SHC3: variants seen among roughly 807,000 people sequenced by gnomAD.
SHC3 encodes SHC adaptor protein 3.
In SHC3, 15 loss-of-function variants were observed where a neutral mutation model predicts 60.4. The observed-to-expected ratio is 0.25, with a 90% confidence interval of 0.17 to 0.38. The LOEUF (loss-of-function observed/expected upper bound fraction) is 0.38. Ranked by LOEUF, SHC3 falls within the 10% of genes least tolerant of loss-of-function variation. The pLI is 1.00. For synonymous variants in SHC3, 294 were observed against 325.9 expected, an observed-to-expected ratio of 0.90 and a Z score of 1.05; for missense variants, 677 against 786.1, an observed-to-expected ratio of 0.86 and a Z score of 1.66.
intron 2 of SHC3, among the ~76,000 whole-genome samples, chr9:89,102,512 C>T (rs956175143): frequency 2.0e-5 from 3 of 152,146 alleles, no homozygotes; most frequent in Non-Finnish European, 2.9e-5. Context: ...ATGTCTGTGT[C>T]TGTAATAACC....
chr9:89,033,289 A>C (rs1395164721), intron 11 of SHC3, among the ~76,000 whole-genome samples: 1 of 152,194 alleles, frequency 6.6e-6, no homozygotes. Flanking sequence ...TAAGTGAACA[A>C]ATTCAATAAT....
intron 7 of SHC3, among the ~76,000 whole-genome samples, chr9:89,051,797 G>A (rs1293022926): frequency 6.6e-6 from 1 of 152,200 alleles, no homozygotes; most frequent in Non-Finnish European, 1.5e-5. Flanking sequence ...CTGTAACCTT[G>A]GCGACCGTCA....
intron 1 of SHC3, among the ~76,000 whole-genome samples, chr9:89,117,244 T>C (rs1182192490): frequency 2.0e-5 from 3 of 152,198 alleles, no homozygotes; most frequent in Non-Finnish European, 4.4e-5. Flanking sequence ...CTCTCAAAGA[T>C]GTGCAGCAAT....
At chr9:89,018,548 A>C (rs529967018) in intron 11 of SHC3, among the ~76,000 whole-genome samples, 140 of 152,298 alleles carry the variant, frequency 9.2e-4, no homozygotes, top group African/African-American at 3.2e-3. Flanking sequence ...TGATGGGTTG[A>C]TGAGCACAGC....
At chr9:89,039,368 T>C (rs1011770208) in intron 10 of SHC3, among the ~76,000 whole-genome samples, 2 of 152,246 alleles carry the variant, frequency 1.3e-5, no homozygotes, top group Non-Finnish European at 2.9e-5. Flanking sequence ...TTAGCTCTTT[T>C]TGATGCTTAT....
Position 89,166,970 on chromosome 9 carries a change from A to G in SHC3, c.474+11017T>C, listed in dbSNP as rs1000066862. On this transcript the variant is annotated intron_variant, in intron 1 of 11. Coordinates refer to ENST00000375835, the MANE Select transcript of SHC3 (RefSeq NM_016848.6). The stretch of plus-strand genomic sequence containing the variant: ...TGGTGTAGACTCTACCAGCTGAGCT[A>G]CTGCACTCCTCTTCCCGTCTCCCAG... 2.0e-5 allele frequency among the ~76,000 whole-genome samples: 3 copies of G among 152,288 alleles called. No individual in the cohort carries two copies. The East Asian group carries it at 5.8e-4, about 29-fold the overall frequency.
intron 1 of SHC3, among the ~76,000 whole-genome samples, chr9:89,131,391 C>T (rs1239093807): frequency 6.6e-6 from 1 of 152,120 alleles, no homozygotes. Flanking sequence ...AGAGAGAATC[C>T]TCCCTAACTC....
intron 7 of SHC3, among the ~76,000 whole-genome samples, chr9:89,048,572 G>A (rs561804243): frequency 2.0e-5 from 3 of 152,090 alleles, no homozygotes; most frequent in African/African-American, 2.4e-5. Flanking sequence ...TAATGAAAAC[G>A]TTCTGGAATT....
intron 11 of SHC3, among the ~76,000 whole-genome samples, chr9:89,020,258 C>A (rs1826176457): frequency 7.2e-6 from 1 of 138,638 alleles, no homozygotes; most frequent in South Asian, 2.3e-4. Context: ...GGAGAGGTGA[C>A]AGGGGGTTGG....
chr9:89,161,386 A>C (rs1432612010), intron 1 of SHC3, among the ~76,000 whole-genome samples: 10 of 152,188 alleles, frequency 6.6e-5, no homozygotes, highest in Admixed American at 6.5e-4. Context: ...AAGTCTCCCC[A>C]GAAGCTTAGC....
At chr9:89,129,014 G>C (rs534963587) in intron 1 of SHC3, among the ~76,000 whole-genome samples, 15 of 152,266 alleles carry the variant, frequency 9.9e-5, no homozygotes, top group Admixed American at 9.8e-4. Context: ...CTTGAAAAAA[G>C]ATTGGATGAA....
intron 6 of SHC3, among the ~76,000 whole-genome samples, chr9:89,063,376 C>T (rs1251179597): frequency 6.6e-6 from 1 of 152,240 alleles, no homozygotes; most frequent in Admixed American, 6.5e-5. Flanking sequence ...GATCTGCCCG[C>T]CTCGGCCTCC....
chr9:89,058,855 G>C (rs1425362401), intron 6 of SHC3, among the ~76,000 whole-genome samples: 1 of 139,398 alleles, frequency 7.2e-6, no homozygotes, highest in African/African-American at 2.7e-5. Flanking sequence ...GTGGTGTTAG[G>C]ACGTGGTGGA....
At chr9:89,150,419 G>C (rs1168819366) in intron 1 of SHC3, among the ~76,000 whole-genome samples, 1 of 152,002 alleles carries the variant, frequency 6.6e-6, no homozygotes, top group Non-Finnish European at 1.5e-5. Flanking sequence ...GTCTCTATAG[G>C]TTTGCCAAAT....
intron 11 of SHC3, among the ~76,000 whole-genome samples, chr9:89,034,471 G>A (rs182466224): frequency 1.3e-5 from 2 of 152,282 alleles, no homozygotes; most frequent in East Asian, 1.9e-4. Flanking sequence ...CTCTGTAGGC[G>A]CCCCTAGTCA....
intron 11 of SHC3, among the ~76,000 whole-genome samples, chr9:89,026,915 T>C (rs934466450): frequency 2.0e-5 from 3 of 152,220 alleles, no homozygotes; most frequent in Admixed American, 1.3e-4. Flanking sequence ...CCTGGCCCTA[T>C]TGCTTCTGGA....
At chr9:89,067,951 A>C (rs1391336853) in intron 5 of SHC3, among the ~76,000 whole-genome samples, 1 of 152,168 alleles carries the variant, frequency 6.6e-6, no homozygotes, top group Non-Finnish European at 1.5e-5. Context: ...GAATACAAGG[A>C]ATATATTTTT....
intron 11 of SHC3, among the ~76,000 whole-genome samples, chr9:89,033,489 C>T (rs971150747): frequency 4.6e-5 from 7 of 152,130 alleles, no homozygotes. Context: ...CTAAAAATTT[C>T]GTTTCTGATT....
intron 1 of SHC3, among the ~76,000 whole-genome samples, chr9:89,171,632 C>G (rs181681066): frequency 3.9e-4 from 59 of 152,324 alleles, no homozygotes; most frequent in African/African-American, 1.3e-3. Flanking sequence ...ACAATGAGCT[C>G]TTTGAACATT....
Sources: gnomAD v4.1 joint callset for allele counts (sites outside exome capture counted in the v4.1 genomes callset) on GRCh38, gnomAD v4.1.1 for gene constraint, MANE v1.5 for transcripts, NCBI Gene and HGNC (gene_info 2026-07-23, HGNC 2026-07-21) for gene names.